Variants in RBPMS observed in about 807,000 individuals in gnomAD.
The protein encoded by RBPMS is RNA-binding protein with multiple splicing.
RBPMS carries 7 observed loss-of-function variants against 26.8 expected under a neutral mutation model. The ratio of observed to expected loss-of-function variants is 0.26; its 90% CI spans 0.15 to 0.49. The LOEUF is 0.49. Among genes scored for constraint, RBPMS ranks in the 20% least tolerant of loss-of-function variants. The pLI is 0.98. For synonymous variants in RBPMS, 96 were observed against 93.3 expected, an observed-to-expected ratio of 1.03 and a Z score of -0.17; for missense variants, 186 against 250.0, an observed-to-expected ratio of 0.74 and a Z score of 1.73.
intron 1 of RBPMS, among the ~76,000 whole-genome samples, chr8:30,391,276 G>C (rs937081124): frequency 6.6e-6 from 1 of 152,206 alleles, no homozygotes; most frequent in East Asian, 1.9e-4. Flanking sequence ...TGACCTTTTG[G>C]ACGAGGGCTT....
At chr8:30,547,470 G>A (rs1431559010) in intron 6 of RBPMS, 1 of 1,570,550 alleles carries the variant, frequency 6.4e-7, no homozygotes, top group South Asian at 1.2e-5. Flanking sequence ...ACTATTTCTT[G>A]ACGACCTTTG....
At chr8:30,505,341 A>G (rs1429838455) in intron 5 of RBPMS, among the ~76,000 whole-genome samples, 1 of 152,154 alleles carries the variant, frequency 6.6e-6, no homozygotes, top group Non-Finnish European at 1.5e-5. Context: ...TCGATAGTAC[A>G]TTTTAACTCT....
intron 1 of RBPMS, among the ~76,000 whole-genome samples, chr8:30,391,451 C>G (rs1009603258): frequency 1.3e-5 from 2 of 152,170 alleles, no homozygotes; most frequent in African/African-American, 4.8e-5. Flanking sequence ...TTGAACAGTG[C>G]TTGCTTTGGT....
At chr8:30,448,177 T>C (rs1033583259) in intron 1 of RBPMS, among the ~76,000 whole-genome samples, 2 of 152,250 alleles carry the variant, frequency 1.3e-5, no homozygotes, top group South Asian at 4.1e-4. Context: ...TCTAAATGTT[T>C]GCCTAATTCT....
chr8:30,533,962 G>A (rs1437728317), intron 5 of RBPMS, among the ~76,000 whole-genome samples: 3 of 151,894 alleles, frequency 2.0e-5, no homozygotes, highest in East Asian at 1.9e-4. Context: ...TTGAAACCCC[G>A]TCTCTACTAA....
intron 1 of RBPMS, among the ~76,000 whole-genome samples, chr8:30,430,774 T>G (rs1332521379): frequency 6.6e-6 from 1 of 152,236 alleles, no homozygotes; most frequent in Non-Finnish European, 1.5e-5. Flanking sequence ...TAGCCTCATG[T>G]TCATTTACTT....
At chr8:30,517,404 T>C (rs1012696490) in intron 5 of RBPMS, among the ~76,000 whole-genome samples, 40 of 152,188 alleles carry the variant, frequency 2.6e-4, no homozygotes, top group Admixed American at 8.5e-4. Context: ...ACCCTAGCTA[T>C]ACTGAGATAC....
intron 7 of RBPMS, 104 bp from the exon 8 acceptor site, chr8:30,566,153 C>T (rs1249103744): frequency 1.9e-6 from 1 of 527,504 alleles, no homozygotes; most frequent in South Asian, 8.2e-5. Context: ...TCGGCGTTGC[C>T]TCTCTTGGCT....
intron 5 of RBPMS, among the ~76,000 whole-genome samples, chr8:30,536,616 C>T (rs537455462): frequency 6.6e-6 from 1 of 152,260 alleles, no homozygotes; most frequent in South Asian, 2.1e-4. Context: ...TACTAAAACA[C>T]TGTTTTTGTT....
intron 1 of RBPMS, among the ~76,000 whole-genome samples, chr8:30,439,425 T>C (rs1011130413): frequency 1.3e-5 from 2 of 152,240 alleles, no homozygotes; most frequent in East Asian, 3.8e-4. Flanking sequence ...TTCCTTTGAT[T>C]CATGATTTAC....
chr8:30,416,720 G>A (rs984227942), intron 1 of RBPMS, among the ~76,000 whole-genome samples: 15 of 151,972 alleles, frequency 9.9e-5, no homozygotes, highest in Admixed American at 2.0e-4. Flanking sequence ...TGATCCGCCT[G>A]CCTCGGCCTC....
intron 5 of RBPMS, among the ~76,000 whole-genome samples, chr8:30,541,948 T>A (rs1369910706): frequency 6.6e-6 from 1 of 152,254 alleles, no homozygotes; most frequent in Non-Finnish European, 1.5e-5. Context: ...GTGCTCAGGC[T>A]CATACTGGAA....
chr8:30,474,915 G>C (rs1004664955), intron 2 of RBPMS, 59 bp downstream of exon 2: 12 of 1,119,008 alleles, frequency 1.1e-5, no homozygotes, highest in Non-Finnish European at 1.5e-5. Flanking sequence ...ATGCTTTCTG[G>C]GAGCTTTTTG....
At chr8:30,442,398 C>G (rs1168969061) in intron 1 of RBPMS, among the ~76,000 whole-genome samples, 1 of 152,160 alleles carries the variant, frequency 6.6e-6, no homozygotes, top group Non-Finnish European at 1.5e-5. Context: ...GATCCTGGAG[C>G]CTTGCAGGTT....
intron 5 of RBPMS, among the ~76,000 whole-genome samples, chr8:30,535,696 G>T (rs1475321761): frequency 1.3e-5 from 2 of 152,184 alleles, no homozygotes; most frequent in Non-Finnish European, 2.9e-5. Context: ...TGTAGTAGCT[G>T]GGATTACAAG....
intron 1 of RBPMS, among the ~76,000 whole-genome samples, chr8:30,386,529 A>G (rs1349711588): frequency 2.0e-5 from 3 of 152,220 alleles, no homozygotes; most frequent in African/African-American, 7.2e-5. Context: ...AGAGTTGTTT[A>G]CTTGCATGTT....
At chr8:30,478,044 G>A (rs564956138) in intron 3 of RBPMS, among the ~76,000 whole-genome samples, 5 of 152,316 alleles carry the variant, frequency 3.3e-5, no homozygotes, top group African/African-American at 9.6e-5. Context: ...TGTCCCAGAG[G>A]AAGATAAACA....
At chr8:30,471,525 A>C (rs929800878) in intron 1 of RBPMS, among the ~76,000 whole-genome samples, 1 of 152,196 alleles carries the variant, frequency 6.6e-6, no homozygotes, top group African/African-American at 2.4e-5. Flanking sequence ...AGTTCTGCTT[A>C]TCGTATCATT....
chr8:30,558,741 G>GC, intron 6 of RBPMS, 146 bp from the exon 7 acceptor site: 1 of 726,468 alleles, frequency 1.4e-6, no homozygotes, highest in Non-Finnish European at 2.5e-6. Flanking sequence ...ATGCTTTTCA[G>GC]CCCCTTGGGG....
Sources: allele counts gnomAD v4.1 joint callset (sites outside exome capture counted in the v4.1 genomes callset), GRCh38; gene constraint gnomAD v4.1.1; transcripts MANE v1.5; gene names NCBI Gene and HGNC (gene_info 2026-07-23, HGNC 2026-07-21).